The following NDUFAF2 variants were observed in gnomAD, a reference collection of about 807,000 sequenced individuals.
NDUFAF2 encodes NADH:ubiquinone oxidoreductase complex assembly factor 2, also known as NADH dehydrogenase [ubiquinone] 1 alpha subcomplex assembly factor 2.
In NDUFAF2, 13 loss-of-function variants were observed where a neutral mutation model predicts 22.8. The ratio of observed to expected loss-of-function variants is 0.57; its 90% CI spans 0.37 to 0.91. The LOEUF (loss-of-function observed/expected upper bound fraction) is 0.91. Among genes scored for constraint, NDUFAF2 ranks in the 40% least tolerant of loss-of-function variants. The probability of loss-of-function intolerance (pLI) is 0.01; values close to 1 mark genes in which losing one functional copy is unlikely to be tolerated. For synonymous variants in NDUFAF2, 53 were observed against 64.2 expected (o/e 0.83, Z 0.84); for missense variants, 162 against 195.2 (o/e 0.83, Z 1.01).
intron 3 of NDUFAF2, among the ~76,000 whole-genome samples, chr5:61,134,088 C>G (rs1444900701): frequency 1.3e-5 from 2 of 151,990 alleles, no homozygotes; most frequent in Admixed American, 6.6e-5. Context: ...ACAATGGAGT[C>G]CTATGAGGCT....
Position 61,110,705 on chromosome 5 carries a change from T to G in NDUFAF2, c.258+11673T>G, listed in dbSNP as rs1752829428. Among the ~76,000 whole-genome samples, 6 of 152,232 alleles carry G rather than the reference T, an allele frequency of 3.9e-5. No homozygotes were observed. The South Asian group carries it at 1.2e-3, about 32-fold the overall frequency. ...CTTATTTTTTTGTATTTTGGTCTTC[T>G]GTCTTTTTTCTTAATCTGGCTAAAA... On this transcript the variant is annotated intron_variant, in intron 3 of 3. Coordinates refer to ENST00000296597, the MANE Select transcript of NDUFAF2 (RefSeq NM_174889.5).
chr5:61,128,064 A>G (rs1753059829), intron 3 of NDUFAF2, among the ~76,000 whole-genome samples: 1 of 152,232 alleles, frequency 6.6e-6, no homozygotes, highest in Non-Finnish European at 1.5e-5. Flanking sequence ...CAAAGAGAAT[A>G]AAATAGCTAG....
intron 2 of NDUFAF2, among the ~76,000 whole-genome samples, chr5:61,079,659 A>G (rs1171072874): frequency 6.6e-6 from 1 of 152,216 alleles, no homozygotes; most frequent in Non-Finnish European, 1.5e-5. Context: ...ATCTTTCACC[A>G]TTAAATATGT....
At chr5:60,998,142 G>T (rs902866100) in intron 1 of NDUFAF2, among the ~76,000 whole-genome samples, 1 of 152,014 alleles carries the variant, frequency 6.6e-6, no homozygotes, top group East Asian at 1.9e-4. Context: ...AACATTTTGG[G>T]CAATGTAAAC....
chr5:61,117,443 AC>A (rs1752925102), intron 3 of NDUFAF2, among the ~76,000 whole-genome samples: 1 of 151,976 alleles, frequency 6.6e-6, no homozygotes, highest in South Asian at 2.1e-4. Context: ...GCAGTCTTGA[AC>A]TCCTGGGCTC....
intron 3 of NDUFAF2, among the ~76,000 whole-genome samples, chr5:61,127,305 A>T (rs1753049899): frequency 1.3e-5 from 2 of 152,158 alleles, no homozygotes; most frequent in Admixed American, 1.3e-4. Context: ...CATCATCCTG[A>T]TACCAAAGCC....
chr5:60,976,529 C>T (rs1750905379), intron 1 of NDUFAF2, among the ~76,000 whole-genome samples: 2 of 152,128 alleles, frequency 1.3e-5, no homozygotes, highest in Non-Finnish European at 2.9e-5. Flanking sequence ...AGGGGGTAGA[C>T]TTTGGCTTAC....
intron 3 of NDUFAF2, among the ~76,000 whole-genome samples, chr5:61,143,960 T>TGTGTGTG (rs1491220278): frequency 3.4e-4 from 33 of 98,220 alleles, no homozygotes; most frequent in Middle Eastern, 5.1e-3. Flanking sequence ...TGGCATATTT[T>TGTGTGTG]TGTGTGTGTG....
At chr5:61,034,643 C>G (rs1751773145) in intron 1 of NDUFAF2, among the ~76,000 whole-genome samples, 1 of 152,118 alleles carries the variant, frequency 6.6e-6, no homozygotes, top group Non-Finnish European at 1.5e-5. Flanking sequence ...TCATTACACA[C>G]ACACCATATA....
At position 61,132,267 on chromosome 5, in the gene NDUFAF2, A is replaced by G. The variant is rs79231620; in HGVS notation, c.259-20437A>G. 8.6e-3 allele frequency among the ~76,000 whole-genome samples: 1,305 copies of G among 152,328 alleles called. 20 individuals carry two copies. Among genetic ancestry groups the G allele is most frequent in the African/African-American group, 0.03 (1,249 of 41,580 alleles). ...GTACCTGGCTCAGAGTTCATGCTCA[A>G]TAATATTGAGTGATTGTGTACATGA... On this transcript the variant is annotated intron_variant, in intron 3 of 3. Coordinates refer to ENST00000296597, the MANE Select transcript of NDUFAF2 (RefSeq NM_174889.5).
intron 2 of NDUFAF2, chr5:61,083,434 C>T (rs1347170383): frequency 6.6e-6 from 1 of 152,134 alleles, no homozygotes; most frequent in Non-Finnish European, 1.5e-5. Context: ...TTGCTTACTG[C>T]AAACTCTGCC....
At chr5:61,063,262 G>C (rs1245497115) in intron 1 of NDUFAF2, among the ~76,000 whole-genome samples, 1 of 151,960 alleles carries the variant, frequency 6.6e-6, no homozygotes, top group Admixed American at 6.6e-5. Context: ...AGTTTGGGAG[G>C]CTAAATGGGA....
intron 2 of NDUFAF2, among the ~76,000 whole-genome samples, chr5:61,074,667 G>A (rs764074713): frequency 1.7e-4 from 26 of 152,304 alleles, no homozygotes; most frequent in Admixed American, 6.5e-4. Context: ...GGCTGAGGCA[G>A]GAGAATCGCT....
intron 1 of NDUFAF2, among the ~76,000 whole-genome samples, chr5:61,056,937 T>A (rs1414648727): frequency 1.9e-4 from 23 of 122,932 alleles, no homozygotes; most frequent in African/African-American, 6.3e-4. Context: ...TATATATATA[T>A]ATATATATAT....
At chr5:61,082,946 C>G (rs1409025326) in intron 2 of NDUFAF2, among the ~76,000 whole-genome samples, 1 of 152,104 alleles carries the variant, frequency 6.6e-6, no homozygotes, top group East Asian at 1.9e-4. Context: ...CTTTGAGAAT[C>G]GCCAAACTGC....
At chr5:61,084,646 A>G (rs1752484090) in intron 2 of NDUFAF2, among the ~76,000 whole-genome samples, 1 of 152,216 alleles carries the variant, frequency 6.6e-6, no homozygotes, top group Non-Finnish European at 1.5e-5. Flanking sequence ...TACAGGATAT[A>G]TCAGAATTTC....
Position 61,013,322 on chromosome 5 carries a change from G to A in NDUFAF2, c.128-59803G>A, listed in dbSNP as rs150273495. On this transcript the variant is annotated intron_variant, in intron 1 of 3. Transcript: ENST00000296597. ...ACACTTAATTTATGGAAGAGCAATT[G>A]GAGCTTTTGGATTTTAATTTTGTTT... Among the ~76,000 whole-genome samples, 360 of 151,874 alleles carry A rather than the reference G, an allele frequency of 2.4e-3. 8 individuals are homozygous for A. Among genetic ancestry groups the A allele is most frequent in the African/African-American group, 8.4e-3 (350 of 41,448 alleles).
At chr5:61,142,539 A>G (rs1741074368) in intron 3 of NDUFAF2, among the ~76,000 whole-genome samples, 1 of 152,222 alleles carries the variant, frequency 6.6e-6, no homozygotes, top group Non-Finnish European at 1.5e-5. Flanking sequence ...AACAAAACTC[A>G]GTGTACATTC....
intron 1 of NDUFAF2, among the ~76,000 whole-genome samples, chr5:61,047,720 AG>A (rs772784185): frequency 1.3e-5 from 2 of 152,202 alleles, no homozygotes; most frequent in Non-Finnish European, 2.9e-5. Context: ...TGAAAAAAAA[AG>A]AATCAACCCA....
Sources: gnomAD v4.1 joint callset for allele counts (sites outside exome capture counted in the v4.1 genomes callset) on GRCh38, gnomAD v4.1.1 for gene constraint, MANE v1.5 for transcripts, NCBI Gene and HGNC (gene_info 2026-07-23, HGNC 2026-07-21) for gene names.